CDKN1B: variants seen among roughly 807,000 people sequenced by gnomAD.
CDKN1B encodes cyclin dependent kinase inhibitor 1B, also known as cyclin-dependent kinase inhibitor 1B.
CDKN1B carries 7 observed loss-of-function variants against 17.1 expected under a neutral mutation model. The ratio of observed to expected loss-of-function variants is 0.41; its 90% CI spans 0.23 to 0.77. The LOEUF is 0.77. Ranked by LOEUF, CDKN1B falls within the 30% of genes least tolerant of loss-of-function variation. The probability of loss-of-function intolerance (pLI) is 0.33; values close to 1 mark genes in which losing one functional copy is unlikely to be tolerated. For synonymous variants in CDKN1B, 149 were observed against 104.3 expected (o/e 1.43, Z -2.61); for missense variants, 337 against 262.0 (o/e 1.29, Z -1.98).
In CDKN1B at chr12:12,717,621, T is replaced by G; in HGVS notation, c.-219T>G. On this transcript the variant is annotated 5_prime_UTR_variant, in exon 1 of 3. Coordinates refer to ENST00000228872, the MANE Select transcript of CDKN1B (RefSeq NM_004064.5). The stretch of plus-strand genomic sequence containing the variant: ...CTCCGCCCTCCCGCTCGCCAGTCCA[T>G]TTGATCAGCGGAGACTCGGCGGCCG... The G allele has an allele frequency of 1.4e-6, 2 of 1,448,042 alleles. No homozygotes were observed. The highest frequency in any genetic ancestry group is 2.7e-5 in the Admixed American group (1 of 36,852). 89.7% of individuals were successfully genotyped at this position (1,448,042 alleles called of 1,614,324 possible).
chr12:12,717,779 T>C lies in CDKN1B; in HGVS notation c.-61T>C, dbSNP rs1048042384. The C allele has an allele frequency of 6.0e-5, 96 of 1,606,290 alleles. No homozygotes were observed. In the African/African-American group the frequency reaches 1.1e-3, roughly 19 times the overall value. On this transcript the variant is annotated 5_prime_UTR_variant, in exon 1 of 3. Transcript: ENST00000228872. ...TTCGGGCTGCGTAGGGGCGCTTTGT[T>C]TTGTTCGGTTTTGTTTTTTTGAGAG... is the stretch of plus-strand genomic sequence containing the variant.
Position 12,717,865 on chromosome 12 carries a change from G to C in CDKN1B, c.26G>C (p.Gly9Ala), listed in dbSNP as rs1946485926. Residue 9 changes from glycine to alanine, a missense_variant, in exon 1 of 3, where the codon GGG becomes GCG. Gly to Ala is a moderately conservative substitution (Grantham distance 60). Transcript: ENST00000228872. The part of the protein sequence containing the change: MSNVRVSN[G>A]SPSLERMDAR... ...ATGTCAAACGTGCGAGTGTCTAACG[G>C]GAGCCCTAGCCTGGAGCGGATGGAC... is the stretch of plus-strand genomic sequence containing the variant. The C allele has an allele frequency of 6.2e-7, 1 of 1,613,634 alleles. No individual in the cohort carries two copies. The highest frequency in any genetic ancestry group is 8.5e-7 in the Non-Finnish European group (1 of 1,180,036).
chr12:12,720,582 C>T (rs183364864), intron 2 of CDKN1B, among the ~76,000 whole-genome samples: 4 of 152,124 alleles, frequency 2.6e-5, no homozygotes, highest in Non-Finnish European at 5.9e-5. Context: ...ATTTATTTCC[C>T]ACTTGCCTTT....
rs1489255128 is a variant in CDKN1B at position 12,717,748 on chromosome 12, G to A, written c.-92G>A. ...CCGAGGGCAGTCGCTGGGCTTCCGA[G>A]AGGGGTTCGGGCTGCGTAGGGGCGC... is the stretch of plus-strand genomic sequence containing the variant. On this transcript the variant is annotated 5_prime_UTR_variant, in exon 1 of 3. Coordinates refer to ENST00000228872, the MANE Select transcript of CDKN1B (RefSeq NM_004064.5). 6.3e-7 allele frequency: 1 copy of A among 1,595,290 alleles called. No individual in the cohort carries two copies. Among genetic ancestry groups the A allele is most frequent in the Non-Finnish European group, 8.5e-7 (1 of 1,177,714 alleles).
chr12:12,717,872 T>C lies in CDKN1B; in HGVS notation c.33T>C (p.Pro11=). 2.5e-6 allele frequency: 4 copies of C among 1,613,728 alleles called. No individual in the cohort carries two copies. Among genetic ancestry groups the C allele is most frequent in the Non-Finnish European group, 3.4e-6 (4 of 1,179,988 alleles). Residue 11 remains proline (P), a synonymous_variant, in exon 1 of 3, where the codon CCT becomes CCC. Coordinates refer to ENST00000228872, the MANE Select transcript of CDKN1B (RefSeq NM_004064.5). The stretch of plus-strand genomic sequence containing the variant: ...ACGTGCGAGTGTCTAACGGGAGCCC[T>C]AGCCTGGAGCGGATGGACGCCAGGC... MSNVRVSNGS[P]SLERMDARQA... is the part of the protein sequence containing the mutation.
chr12:12,718,948 CAGCTCGGTGGGTTGATCACT>C lies in CDKN1B; in HGVS notation c.*4_*8+15del. 6.2e-7 allele frequency: 1 copy of C among 1,613,918 alleles called. No individual in the cohort carries two copies. Among genetic ancestry groups the C allele is most frequent in the Non-Finnish European group, 8.5e-7 (1 of 1,180,036 alleles). The stretch of plus-strand genomic sequence containing the variant: ...GGCCTCAGAAGACGTCAAACGTAAA[CAGCTCGGTGGGTTGATCACT>C]AAAGGAGCACGCACTGGAACCCGGG... On this transcript the variant is annotated splice_donor_variant and splice_donor_5th_base_variant and 3_prime_UTR_variant and intron_variant, in exon 2 of 3. Transcript: ENST00000228872. LOFTEE classifies it low-confidence loss of function (3UTR_SPLICE).
chr12:12,720,083 A>G lies in CDKN1B; in HGVS notation c.*9-953A>G, dbSNP rs148821642. 1.3e-3 allele frequency among the ~76,000 whole-genome samples: 197 copies of G among 152,326 alleles called. 4 individuals are homozygous for G. The highest frequency in any genetic ancestry group is 0.011 in the Admixed American group (173 of 15,304). On this transcript the variant is annotated intron_variant, in intron 2 of 2. Transcript: ENST00000228872. ...TTAAATTGTATATGTGACTTCACAT[A>G]TCTTTTTCAGCGCTTATACAAAACG...
In CDKN1B at chr12:12,717,432, G is replaced by A. The variant is rs889095238; in HGVS notation, c.-408G>A. On this transcript the variant is annotated 5_prime_UTR_variant, in exon 1 of 3. Transcript: ENST00000228872. Reference sequence around the variant, plus strand: ...CTAAAAAAAGGGGGCTCGTCTTTTCGGGGTGTTTTTCTCCCCCTCCCCTGT... The same window carrying A: ...CTAAAAAAAGGGGGCTCGTCTTTTCAGGGTGTTTTTCTCCCCCTCCCCTGT... The A allele has an allele frequency of 3.1e-5, 38 of 1,235,318 alleles. No individual in the cohort carries two copies. The highest frequency in any genetic ancestry group is 6.3e-5 in the South Asian group (3 of 47,780). The allele number at this position is 1,235,318 out of a possible 1,614,324, so 76.5% of individuals were successfully genotyped here.
intron 2 of CDKN1B, among the ~76,000 whole-genome samples, chr12:12,720,089 T>C (rs1258920585): frequency 4.6e-5 from 7 of 152,234 alleles, no homozygotes. Context: ...ACATATCTTT[T>C]TCAGCGCTTA....
chr12:12,719,114 G>A (rs192815744), intron 2 of CDKN1B, 160 bp downstream of exon 2: 2 of 805,188 alleles, frequency 2.5e-6, no homozygotes, highest in East Asian at 2.7e-5. Context: ...CTGGGGATAC[G>A]GTAATTCCTC....
At chr12:12,718,423 G>A in intron 1 of CDKN1B, 109 bp downstream of exon 1, 1 of 1,035,282 alleles carries the variant, frequency 9.7e-7, no homozygotes, top group Non-Finnish European at 1.4e-6. Context: ...CTTTGGGAGA[G>A]CTAACTTTAT....
intron 2 of CDKN1B, among the ~76,000 whole-genome samples, chr12:12,720,271 G>A (rs1467096405): frequency 6.6e-6 from 1 of 152,172 alleles, no homozygotes; most frequent in Non-Finnish European, 1.5e-5. Flanking sequence ...ATCTGGCCCT[G>A]TTCTGACATG....
At chr12:12,719,052 G>C in intron 2 of CDKN1B, 98 bp downstream of exon 2, 1 of 1,520,892 alleles carries the variant, frequency 6.6e-7, no homozygotes, top group Non-Finnish European at 9.0e-7. Context: ...AAGCTTATGG[G>C]GTTTTGTTTT....
At position 12,720,986 on chromosome 12, in the gene CDKN1B, G is replaced by A. The variant is rs963157332; in HGVS notation, c.*9-50G>A. 12 of 608,954 alleles carry A rather than the reference G, an allele frequency of 2.0e-5. No individual in the cohort carries two copies. The Admixed American group carries it at 2.7e-4, about 14-fold the overall frequency. The allele number at this position is 608,954 out of a possible 1,614,324, so 37.7% of individuals were successfully genotyped here. ...ATAATTCCTGTACTCTACTGGTAAC[G>A]TTAATCTAGTGCTCTTCCTTTAATT... is the stretch of plus-strand genomic sequence containing the variant. On this transcript the variant is annotated intron_variant, in intron 2 of 2. Transcript: ENST00000228872.
rs369430578 is a variant in CDKN1B at position 12,720,066 on chromosome 12, T to A, written c.*9-970T>A. Among the ~76,000 whole-genome samples, 76 of 152,378 alleles carry A rather than the reference T, an allele frequency of 5.0e-4. No homozygotes were observed. In the East Asian group the frequency reaches 0.014, roughly 29 times the overall value. On this transcript the variant is annotated intron_variant, in intron 2 of 2. Transcript: ENST00000228872. Reference sequence around the variant, plus strand: ...TCAGGTTTGTTGTGTCTTTAAATTGTATATGTGACTTCACATATCTTTTTC... The same window carrying A: ...TCAGGTTTGTTGTGTCTTTAAATTGAATATGTGACTTCACATATCTTTTTC...
At chr12:12,719,166 A>T in intron 2 of CDKN1B, 1 of 589,550 alleles carries the variant, frequency 1.7e-6, no homozygotes, top group South Asian at 2.0e-5. Flanking sequence ...CAAACTGTTG[A>T]CCAGAGCAGC....
chr12:12,718,927 T>C lies in CDKN1B; in HGVS notation c.578T>C (p.Leu193Pro), dbSNP rs2136357473. The change falls in exon 2 of 3, where the codon CTC becomes CCC. Residue 193 changes from leucine to proline, a missense_variant. Coordinates refer to ENST00000228872, the MANE Select transcript of CDKN1B (RefSeq NM_004064.5). ...SVEQTPKKPG[L>P]RRRQT ...GAGCAGACGCCCAAGAAGCCTGGCC[T>C]CAGAAGACGTCAAACGTAAACAGCT... 6.2e-7 allele frequency: 1 copy of C among 1,614,012 alleles called. No homozygotes were observed. The highest frequency in any genetic ancestry group is 8.5e-7 in the Non-Finnish European group (1 of 1,180,008).
rs751656637 is a variant in CDKN1B, at chr12:12,722,100, C to G, written c.*1073C>G. 2 of 152,248 alleles carry G rather than the reference C, an allele frequency of 1.3e-5. No homozygotes were observed. Among genetic ancestry groups the G allele is most frequent in the African/African-American group, 2.4e-5 (1 of 41,426 alleles). The allele number at this position is 152,248 out of a possible 1,614,324, so 9.4% of individuals were successfully genotyped here. Reference sequence around the variant, plus strand: ...AAACCATTTGAAGTGTACCTGTGTACATAACTCTGTAAAAACACTGAAAAA... The same window carrying G: ...AAACCATTTGAAGTGTACCTGTGTAGATAACTCTGTAAAAACACTGAAAAA... On this transcript the variant is annotated 3_prime_UTR_variant, in exon 3 of 3. Transcript: ENST00000228872.
At position 12,718,877 on chromosome 12, in the gene CDKN1B, C is replaced by T. The variant is rs779413893; in HGVS notation, c.528C>T (p.Asp176=). 5 of 1,614,096 alleles carry T rather than the reference C, an allele frequency of 3.1e-6. No individual in the cohort carries two copies. In the East Asian group the frequency reaches 6.7e-5, roughly 22 times the overall value. The change falls in exon 2 of 3, where the codon GAC becomes GAT. Residue 176 remains aspartate, a synonymous_variant. Coordinates refer to ENST00000228872, the MANE Select transcript of CDKN1B (RefSeq NM_004064.5). The part of the protein sequence containing the change: ...RANRTEENVS[D]GSPNAGSVEQ... ...ACAGAACAGAAGAAAATGTTTCAGA[C>T]GGTTCCCCAAATGCCGGTTCTGTGG...
Sources: allele counts gnomAD v4.1 joint callset (sites outside exome capture counted in the v4.1 genomes callset), GRCh38; gene constraint gnomAD v4.1.1; transcripts MANE v1.5; gene names NCBI Gene and HGNC (gene_info 2026-07-23, HGNC 2026-07-21).